CSMD3: variants seen among roughly 807,000 people sequenced by gnomAD.
CSMD3 encodes the protein CUB and Sushi multiple domains 3, also known as CUB and sushi domain-containing protein 3.
In CSMD3, 177 loss-of-function variants were observed where a neutral mutation model predicts 435.2. That is an observed-to-expected ratio of 0.41 (90% CI 0.36 to 0.46). CSMD3 has a LOEUF of 0.46. Among genes scored for constraint, CSMD3 ranks in the 20% least tolerant of loss-of-function variants. CSMD3 has a pLI of 0.34. For missense variants in CSMD3, 4,265 were observed against 4,504.6 expected (o/e 0.95, Z 1.52); for synonymous variants, 1,656 against 1,520.5 (o/e 1.09, Z -2.07).
At chr8:112,409,914 T>A (rs1309128069) in intron 32 of CSMD3, among the ~76,000 whole-genome samples, 1 of 151,952 alleles carries the variant, frequency 6.6e-6, no homozygotes, top group Non-Finnish European at 1.5e-5. Context: ...AATTGTGGGG[T>A]TTAAAAGAGT....
chr8:113,028,960 G>T (rs535641604), intron 5 of CSMD3, among the ~76,000 whole-genome samples: 1 of 151,712 alleles, frequency 6.6e-6, no homozygotes, highest in African/African-American at 2.4e-5. Context: ...GCTTTCTACT[G>T]AAAGAAAATG....
Position 112,552,683 on chromosome 8 carries a change from T to C in CSMD3, c.4272A>G (p.Gly1424=). 3 of 1,612,012 alleles carry C rather than the reference T, an allele frequency of 1.9e-6. No homozygotes were observed. The highest frequency in any genetic ancestry group is 1.3e-5 in the African/African-American group (1 of 74,918). Residue 1424 remains glycine, a synonymous_variant, in exon 26 of 71, where the codon GGA becomes GGG. Transcript: ENST00000297405. ...CGGRFKGESS[G]RILSPGYPFP... Reference sequence around the variant, plus strand: ...AAGGATAGCCAGGAGATAAGATTCTTCCTGATGATTCTCCTTTAAAACGAC... The same window carrying C: ...AAGGATAGCCAGGAGATAAGATTCTCCCTGATGATTCTCCTTTAAAACGAC...
At chr8:113,374,655 T>C (rs1022637700) in intron 1 of CSMD3, among the ~76,000 whole-genome samples, 3 of 152,046 alleles carry the variant, frequency 2.0e-5, no homozygotes, top group Admixed American at 1.3e-4. Flanking sequence ...ATATTACTTA[T>C]AATATTTTGA....
chr8:112,366,281 C>T (rs910784140), intron 38 of CSMD3, among the ~76,000 whole-genome samples: 2 of 152,156 alleles, frequency 1.3e-5, no homozygotes, highest in African/African-American at 4.8e-5. Context: ...AAAGCTTTTG[C>T]AGGAAAGCTT....
At chr8:112,743,424 T>C (rs2077358388) in intron 13 of CSMD3, among the ~76,000 whole-genome samples, 1 of 151,996 alleles carries the variant, frequency 6.6e-6, no homozygotes, top group Non-Finnish European at 1.5e-5. Context: ...TCAGTCTTAA[T>C]GATGAATCAT....
chr8:112,390,134 A>G lies in CSMD3; in HGVS notation c.5934+530T>C, dbSNP rs139656937. ...CCCATTGCATAGGTTTGGAACGGAT[A>G]TGATTGCAATCTTGGTCAATAAAAC... On this transcript the variant is annotated intron_variant, in intron 36 of 70. Coordinates refer to ENST00000297405, the MANE Select transcript of CSMD3 (RefSeq NM_198123.2). Among the ~76,000 whole-genome samples the G allele has an allele frequency of 4.4e-3, 671 of 152,350 alleles. 6 individuals carry two copies. Among genetic ancestry groups the G allele is most frequent in the African/African-American group, 0.014 (584 of 41,592 alleles).
Position 113,050,310 on chromosome 8 carries a change from T to C in CSMD3, c.918-31131A>G, listed in dbSNP as rs551149274. On this transcript the variant is annotated intron_variant, in intron 5 of 70. Transcript: ENST00000297405. ...TAAAACAATGAGAGAAAGAAAAAAT[T>C]GATTTATTCTGTAAACTTTTAAACC... Among the ~76,000 whole-genome samples, 10 of 152,088 alleles carry C rather than the reference T, an allele frequency of 6.6e-5. No individual in the cohort carries two copies. In the East Asian group the frequency reaches 1.9e-3, roughly 29 times the overall value.
chr8:112,294,094 G>A (rs949250604), intron 54 of CSMD3, among the ~76,000 whole-genome samples: 1 of 151,896 alleles, frequency 6.6e-6, no homozygotes, highest in African/African-American at 2.4e-5. Context: ...TGCTTGGGGG[G>A]GGTGTAGGGG....
chr8:112,373,507 G>C (rs1413471115), intron 38 of CSMD3, among the ~76,000 whole-genome samples: 1 of 148,738 alleles, frequency 6.7e-6, no homozygotes, highest in African/African-American at 2.5e-5. Flanking sequence ...CCTAAAATTA[G>C]GTATTTAAAA....
chr8:112,439,172 G>A (rs190012327), intron 32 of CSMD3, among the ~76,000 whole-genome samples: 7 of 152,132 alleles, frequency 4.6e-5, no homozygotes, highest in Non-Finnish European at 8.8e-5. Context: ...ATGGAGTCTC[G>A]CTCTGTTGCC....
chr8:113,055,544 C>G (rs2088289932), intron 5 of CSMD3, among the ~76,000 whole-genome samples: 1 of 152,170 alleles, frequency 6.6e-6, no homozygotes, highest in Admixed American at 6.5e-5. Flanking sequence ...TCTGCTGACT[C>G]TCATGTCTAT....
chr8:112,770,190 ATGTT>A (rs2078076942), intron 13 of CSMD3, among the ~76,000 whole-genome samples: 2 of 152,144 alleles, frequency 1.3e-5, no homozygotes, highest in Admixed American at 1.3e-4. Flanking sequence ...TATGTTTTGA[ATGTT>A]TGTCCACCTC....
intron 70 of CSMD3, 89 bp downstream of exon 70, chr8:112,228,667 T>C: frequency 7.3e-7 from 1 of 1,374,670 alleles, no homozygotes; most frequent in Non-Finnish European, 1.0e-6. Context: ...CAGAAGAAAA[T>C]TTGAAATTAA....
chr8:112,977,813 A>G (rs1486725933), intron 6 of CSMD3, among the ~76,000 whole-genome samples: 2 of 152,112 alleles, frequency 1.3e-5, no homozygotes, highest in African/African-American at 2.4e-5. Flanking sequence ...AACCTATTTC[A>G]TAGATCAGAA....
chr8:113,273,271 G>A (rs923890301), intron 3 of CSMD3, among the ~76,000 whole-genome samples: 6 of 151,182 alleles, frequency 4.0e-5, no homozygotes, highest in East Asian at 1.9e-4. Context: ...TTTGTCTAAC[G>A]CTAAACATTT....
At chr8:112,411,585 A>C (rs1032301373) in intron 32 of CSMD3, among the ~76,000 whole-genome samples, 1 of 152,060 alleles carries the variant, frequency 6.6e-6, no homozygotes, top group Non-Finnish European at 1.5e-5. Flanking sequence ...TAGTATGAAC[A>C]ATGAAGAACA....
At chr8:112,270,498 A>T (rs1030175582) in intron 59 of CSMD3, among the ~76,000 whole-genome samples, 4 of 151,954 alleles carry the variant, frequency 2.6e-5, no homozygotes, top group South Asian at 2.1e-4. Flanking sequence ...CAAAGGTCAA[A>T]AATGCTTGGA....
chr8:112,337,768 A>C (rs1311723724), intron 42 of CSMD3, 37 bp from the exon 43 acceptor site: 5 of 1,553,932 alleles, frequency 3.2e-6, no homozygotes, highest in Non-Finnish European at 4.4e-6. Flanking sequence ...TTTTCTTTCC[A>C]AATTTCAGAG....
chr8:113,233,967 C>G (rs1056652344), intron 3 of CSMD3, among the ~76,000 whole-genome samples: 2 of 152,048 alleles, frequency 1.3e-5, no homozygotes, highest in Non-Finnish European at 2.9e-5. Flanking sequence ...ACAGTAGGTT[C>G]TATTACTACA....
Sources: gnomAD v4.1 joint callset for allele counts (sites outside exome capture counted in the v4.1 genomes callset) on GRCh38, gnomAD v4.1.1 for gene constraint, MANE v1.5 for transcripts, NCBI Gene and HGNC (gene_info 2026-07-23, HGNC 2026-07-21) for gene names.